The following SUPT3H variants were observed in gnomAD, a reference collection of about 807,000 sequenced individuals.
SUPT3H encodes the protein transcription initiation protein SPT3 homolog.
SUPT3H carries 44 observed loss-of-function variants against 44.3 expected under a neutral mutation model. That is an observed-to-expected ratio of 0.99 (90% CI 0.78 to 1.28). The LOEUF (loss-of-function observed/expected upper bound fraction) is 1.28. Among genes scored for constraint, SUPT3H ranks in the 50% most tolerant of loss-of-function variants. The pLI, the probability that SUPT3H is intolerant of heterozygous loss-of-function variation, is 0.00. For synonymous variants in SUPT3H, 124 were observed against 125.6 expected, an observed-to-expected ratio of 0.99 and a Z score of 0.09; for missense variants, 380 against 387.1, an observed-to-expected ratio of 0.98 and a Z score of 0.15.
At chr6:45,297,995 C>A (rs1781562523) in intron 2 of SUPT3H, among the ~76,000 whole-genome samples, 1 of 152,106 alleles carries the variant, frequency 6.6e-6, no homozygotes, top group Admixed American at 6.5e-5. Context: ...TTCAGGCCAC[C>A]AAGCTGATAA....
chr6:44,881,602 A>G (rs1398386578), intron 10 of SUPT3H, among the ~76,000 whole-genome samples: 1 of 152,156 alleles, frequency 6.6e-6, no homozygotes, highest in Non-Finnish European at 1.5e-5. Context: ...TCAGCACCAC[A>G]TTGCACTTAT....
intron 3 of SUPT3H, among the ~76,000 whole-genome samples, chr6:45,043,014 C>T (rs1190799431): frequency 6.6e-6 from 1 of 152,000 alleles, no homozygotes; most frequent in Non-Finnish European, 1.5e-5. Context: ...ACGGCAGTGT[C>T]CTCCCTTACT....
intron 3 of SUPT3H, among the ~76,000 whole-genome samples, chr6:45,066,046 AT>A (rs1793242472): frequency 7.2e-6 from 1 of 138,006 alleles, no homozygotes; most frequent in Non-Finnish European, 1.6e-5. Context: ...ATGAACATTG[AT>A]GCAAAAATCC....
At chr6:45,249,990 A>G (rs750405838) in intron 2 of SUPT3H, among the ~76,000 whole-genome samples, 2 of 152,198 alleles carry the variant, frequency 1.3e-5, no homozygotes, top group Non-Finnish European at 2.9e-5. Context: ...TGTTTGGAGA[A>G]ATGTTCAGTC....
intron 2 of SUPT3H, among the ~76,000 whole-genome samples, chr6:45,342,347 C>T (rs570392167): frequency 4.6e-5 from 7 of 152,134 alleles, no homozygotes; most frequent in South Asian, 4.2e-4. Flanking sequence ...CTGCAACCTC[C>T]GCCTCCTGGG....
At chr6:45,189,227 T>C (rs1168224897) in intron 2 of SUPT3H, among the ~76,000 whole-genome samples, 1 of 152,228 alleles carries the variant, frequency 6.6e-6, no homozygotes, top group South Asian at 2.1e-4. Context: ...GAAACCCTAG[T>C]AAGTAAAATA....
chr6:45,262,751 T>C (rs1774587071), intron 2 of SUPT3H, among the ~76,000 whole-genome samples: 1 of 152,226 alleles, frequency 6.6e-6, no homozygotes, highest in Middle Eastern at 3.4e-3. Flanking sequence ...AAACTATGCA[T>C]CCGACAAAGG....
At position 44,904,378 on chromosome 6, in the gene SUPT3H, GACAA is replaced by G. The variant is rs542162560; in HGVS notation, c.912+28271_912+28274del. 1.9e-3 allele frequency among the ~76,000 whole-genome samples: 284 copies of G among 152,178 alleles called. 1 individual carries two copies. Among genetic ancestry groups the G allele is most frequent in the African/African-American group, 6.3e-3 (260 of 41,502 alleles). On this transcript the variant is annotated intron_variant, in intron 10 of 10. Transcript: ENST00000371459. The stretch of plus-strand genomic sequence containing the variant: ...CAAGCATTCTTATACACCAATAACA[GACAA>G]ACAGAGAGCCAAATCATGAGTGGAC...
intron 2 of SUPT3H, among the ~76,000 whole-genome samples, chr6:45,354,739 C>G (rs900351935): frequency 6.6e-6 from 1 of 151,954 alleles, no homozygotes; most frequent in Non-Finnish European, 1.5e-5. Context: ...GTGGGTCACC[C>G]CTGTATTCCC....
At chr6:45,160,474 A>G (rs1045553032) in intron 2 of SUPT3H, among the ~76,000 whole-genome samples, 4 of 152,176 alleles carry the variant, frequency 2.6e-5, no homozygotes, top group Non-Finnish European at 4.4e-5. Flanking sequence ...ATAGAAATGA[A>G]TGAGCACGAC....
chr6:44,983,111 A>G lies in SUPT3H; in HGVS notation c.504+20542T>C, dbSNP rs187619836. Among the ~76,000 whole-genome samples, 12 of 152,326 alleles carry G rather than the reference A, an allele frequency of 7.9e-5. No individual in the cohort carries two copies. The East Asian group carries it at 1.5e-3, about 20-fold the overall frequency. The stretch of plus-strand genomic sequence containing the variant: ...AAATGTATGTCAATGCTCTTTGAAA[A>G]TAAGTGTAAAAAATTCTAAATGGAT... On this transcript the variant is annotated intron_variant, in intron 6 of 10. Coordinates refer to ENST00000371459, the MANE Select transcript of SUPT3H (RefSeq NM_003599.4).
chr6:45,231,654 G>A (rs895523366), intron 2 of SUPT3H, among the ~76,000 whole-genome samples: 1 of 152,160 alleles, frequency 6.6e-6, no homozygotes, highest in Non-Finnish European at 1.5e-5. Context: ...GACTTAGGAA[G>A]TTTTAATCTA....
At chr6:44,817,310 CA>C (rs930245001) in intron 11 of SUPT3H, among the ~76,000 whole-genome samples, 5 of 150,064 alleles carry the variant, frequency 3.3e-5, no homozygotes, top group Admixed American at 1.3e-4. Flanking sequence ...AAACACTCGG[CA>C]AAAAAGGAAT....
chr6:45,313,371 G>T (rs563420638), intron 2 of SUPT3H, among the ~76,000 whole-genome samples: 1 of 152,074 alleles, frequency 6.6e-6, no homozygotes, highest in South Asian at 2.1e-4. Flanking sequence ...TATTTGAAAA[G>T]ATATATAAGA....
chr6:44,879,820 A>G (rs1777926620), intron 10 of SUPT3H, among the ~76,000 whole-genome samples: 1 of 152,192 alleles, frequency 6.6e-6, no homozygotes, highest in African/African-American at 2.4e-5. Flanking sequence ...ACTCCAGCAG[A>G]CCTGCAGCAG....
intron 2 of SUPT3H, among the ~76,000 whole-genome samples, chr6:45,297,355 G>A (rs1309005145): frequency 6.6e-6 from 1 of 152,174 alleles, no homozygotes; most frequent in Non-Finnish European, 1.5e-5. Flanking sequence ...GAATAGTACT[G>A]TCTCATAGGC....
At chr6:45,115,836 T>TCC (rs1217262029) in intron 2 of SUPT3H, among the ~76,000 whole-genome samples, 1 of 152,146 alleles carries the variant, frequency 6.6e-6, no homozygotes, top group Non-Finnish European at 1.5e-5. Context: ...CTGAGAATTT[T>TCC]CAAAGTTCCC....
At chr6:45,293,928 C>T (rs1379523061) in intron 2 of SUPT3H, among the ~76,000 whole-genome samples, 1 of 151,534 alleles carries the variant, frequency 6.6e-6, no homozygotes, top group Non-Finnish European at 1.5e-5. Flanking sequence ...TGGTACCAAT[C>T]TTATTGACAC....
chr6:45,009,119 G>C (rs905173150), intron 5 of SUPT3H, among the ~76,000 whole-genome samples: 1 of 151,642 alleles, frequency 6.6e-6, no homozygotes, highest in African/African-American at 2.4e-5. Flanking sequence ...TTTTAAATTG[G>C]GCCACTGTCT....
Sources: allele counts gnomAD v4.1 joint callset (sites outside exome capture counted in the v4.1 genomes callset), GRCh38; gene constraint gnomAD v4.1.1; transcripts MANE v1.5; gene names NCBI Gene and HGNC (gene_info 2026-07-23, HGNC 2026-07-21).